OTOP1: variants seen among roughly 807,000 people sequenced by gnomAD.
OTOP1 encodes proton channel OTOP1.
Under a neutral mutation model 52.9 loss-of-function variants are expected in OTOP1, and 59 were observed. The observed-to-expected ratio is 1.12, with a 90% CI of 0.91 to 1.39. OTOP1 has a LOEUF of 1.39. OTOP1 is among the 40% of genes most tolerant of loss of function. The pLI is 0.00. For missense variants in OTOP1, 761 were observed against 800.9 expected (o/e 0.95, Z 0.60); for synonymous variants, 317 against 337.7 (o/e 0.94, Z 0.67).
chr4:4,200,047 T>A (rs1054252647), intron 4 of OTOP1, among the ~76,000 whole-genome samples: 3 of 152,188 alleles, frequency 2.0e-5, no homozygotes, highest in African/African-American at 7.2e-5. Context: ...AGATCAAATA[T>A]ATAGTATAAA....
intron 4 of OTOP1, among the ~76,000 whole-genome samples, chr4:4,198,337 G>C (rs1239131990): frequency 6.6e-6 from 1 of 152,176 alleles, no homozygotes; most frequent in African/African-American, 2.4e-5. Context: ...AGTTGCCAAA[G>C]AGGATAGAGA....
intron 5 of OTOP1, among the ~76,000 whole-genome samples, chr4:4,192,300 AC>A: frequency 6.6e-6 from 1 of 151,962 alleles, no homozygotes; most frequent in Non-Finnish European, 1.5e-5. Flanking sequence ...CCTCCCAGCC[AC>A]CCCCACCCAA....
At chr4:4,219,988 T>C (rs1336587333) in intron 1 of OTOP1, among the ~76,000 whole-genome samples, 1 of 100,446 alleles carries the variant, frequency 1.0e-5, no homozygotes. Flanking sequence ...TATATACGTA[T>C]ATAGGTGTAT....
intron 4 of OTOP1, among the ~76,000 whole-genome samples, chr4:4,198,392 A>G (rs550499622): frequency 6.6e-6 from 1 of 152,224 alleles, no homozygotes; most frequent in East Asian, 1.9e-4. Flanking sequence ...GATGATAGAT[A>G]GATAGATGGA....
intron 3 of OTOP1, among the ~76,000 whole-genome samples, chr4:4,203,280 C>A (rs1040348965): frequency 6.6e-6 from 1 of 152,238 alleles, no homozygotes; most frequent in African/African-American, 2.4e-5. Context: ...ATCTTATGAC[C>A]ATGAGACAGC....
At chr4:4,220,266 A>G (rs754360112) in intron 1 of OTOP1, among the ~76,000 whole-genome samples, 20 of 151,650 alleles carry the variant, frequency 1.3e-4, no homozygotes, top group Non-Finnish European at 2.5e-4. Flanking sequence ...AAAAAACAGA[A>G]CGGAAAATTT....
At chr4:4,204,111 G>A (rs886164362) in intron 3 of OTOP1, among the ~76,000 whole-genome samples, 2 of 152,150 alleles carry the variant, frequency 1.3e-5, no homozygotes, top group African/African-American at 4.8e-5. Flanking sequence ...CTCTCCTCTC[G>A]GTTTTAACCT....
rs866458699 is a variant in OTOP1, at chr4:4,219,890, T to C, written c.403+6572A>G. ...GTATACATATATGTATATATACACA[T>C]ATATGTATACACATATATGTGTGTA... On this transcript the variant is annotated intron_variant, in intron 1 of 5. Coordinates refer to ENST00000296358, the MANE Select transcript of OTOP1 (RefSeq NM_177998.3). Among the ~76,000 whole-genome samples, 77 of 146,146 alleles carry C rather than the reference T, an allele frequency of 5.3e-4. No homozygotes were observed. In the Middle Eastern group the frequency reaches 0.011, roughly 20 times the overall value.
At position 4,212,965 on chromosome 4, in the gene OTOP1, C is replaced by T. The variant is rs781002595; in HGVS notation, c.443G>A (p.Gly148Glu). The change falls in exon 2 of 6, where the codon GGA (glycine) becomes GAA (glutamate). Residue 148 changes from glycine (G) to glutamate (E), a missense_variant. Physicochemically the swap from Gly to Glu is moderately conservative, Grantham distance 98. This residue lies in a region of OTOP1 where 632 missense variants were observed against 619.5 expected (regional missense o/e 1.02). Coordinates refer to ENST00000296358, the MANE Select transcript of OTOP1 (RefSeq NM_177998.3). Reference sequence around the variant, plus strand: ...AATGAAGTATCCAATTTTAAGGCATCCCAGGATGACGGTAATGACTGCAAA... The same window carrying T: ...AATGAAGTATCCAATTTTAAGGCATTCCAGGATGACGGTAATGACTGCAAA... ...TLFAVITVIL[G>E]CLKIGYFIGF... 3 of 1,613,994 alleles carry T rather than the reference C, an allele frequency of 1.9e-6. No homozygotes were observed. The highest frequency in any genetic ancestry group is 2.5e-6 in the Non-Finnish European group (3 of 1,179,918).
chr4:4,206,607 T>C (rs930750957), intron 2 of OTOP1, among the ~76,000 whole-genome samples: 4 of 152,220 alleles, frequency 2.6e-5, no homozygotes, highest in African/African-American at 7.2e-5. Context: ...CTCTATTACA[T>C]ATGCTAGGCA....
In OTOP1 at chr4:4,192,250, A is replaced by G. The variant is rs1467802402; in HGVS notation, c.1669-3277T>C. On this transcript the variant is annotated intron_variant, in intron 5 of 5. Transcript: ENST00000296358. ...CCCTGAGACGTCATGCTGGAGACCC[A>G]CCTGTGGGTGCCTCAGTCAAGAGTC... Among the ~76,000 whole-genome samples, 6 of 151,900 alleles carry G rather than the reference A, an allele frequency of 3.9e-5. No homozygotes were observed. The East Asian group carries it at 1.2e-3, about 29-fold the overall frequency.
chr4:4,198,492 T>C (rs143559431), intron 4 of OTOP1, among the ~76,000 whole-genome samples: 10,514 of 152,204 alleles, frequency 0.069, 488 homozygotes, highest in South Asian at 0.12. Context: ...AAATGACAGA[T>C]GATTTTTGAT....
chr4:4,223,074 C>T (rs1180368984), intron 1 of OTOP1, among the ~76,000 whole-genome samples: 1 of 152,184 alleles, frequency 6.6e-6, no homozygotes, highest in African/African-American at 2.4e-5. Context: ...CCATGATACA[C>T]ACACCTCATT....
chr4:4,190,513 G>A (rs1442699791), intron 5 of OTOP1, among the ~76,000 whole-genome samples: 1 of 152,084 alleles, frequency 6.6e-6, no homozygotes, highest in African/African-American at 2.4e-5. Context: ...AAAATGGTTG[G>A]TTGTGTCTGT....
chr4:4,219,958 C>T lies in OTOP1; in HGVS notation c.403+6504G>A, dbSNP rs1191024141. ...ACATATATACACATATATACGTATA[C>T]ATGTATACATATATACACATATATA... is the stretch of plus-strand genomic sequence containing the variant. On this transcript the variant is annotated intron_variant, in intron 1 of 5. Coordinates refer to ENST00000296358, the MANE Select transcript of OTOP1 (RefSeq NM_177998.3). Among the ~76,000 whole-genome samples, 72 of 137,580 alleles carry T rather than the reference C, an allele frequency of 5.2e-4. 1 individual carries two copies. Among genetic ancestry groups the T allele is most frequent in the African/African-American group, 2.0e-3 (70 of 35,028 alleles). 90.3% of individuals were successfully genotyped at this position (137,580 alleles called of 152,430 possible).
At chr4:4,216,776 T>G (rs1371711392) in intron 1 of OTOP1, among the ~76,000 whole-genome samples, 1 of 152,166 alleles carries the variant, frequency 6.6e-6, no homozygotes, top group Non-Finnish European at 1.5e-5. Context: ...AGCACAGGCA[T>G]GAAACTGTAG....
chr4:4,197,089 T>C (rs558893674), intron 5 of OTOP1, 77 bp downstream of exon 5: 2 of 1,410,068 alleles, frequency 1.4e-6, no homozygotes, highest in Admixed American at 2.1e-5. Flanking sequence ...TTAACAAATC[T>C]GCATGTGTAC....
intron 1 of OTOP1, among the ~76,000 whole-genome samples, chr4:4,222,861 A>G (rs1431205521): frequency 6.6e-6 from 1 of 152,212 alleles, no homozygotes; most frequent in Non-Finnish European, 1.5e-5. Flanking sequence ...AGGGCCTCCC[A>G]ACACTAATAA....
chr4:4,202,837 A>G (rs1407438592), intron 3 of OTOP1, among the ~76,000 whole-genome samples: 1 of 152,240 alleles, frequency 6.6e-6, no homozygotes, highest in East Asian at 1.9e-4. Context: ...TAGGACATCA[A>G]AGAAGCTGGG....
Sources: gnomAD v4.1 joint callset for allele counts (sites outside exome capture counted in the v4.1 genomes callset) on GRCh38, gnomAD v4.1.1 for gene constraint, gnomAD v4.1.1 regional missense constraint, MANE v1.5 for transcripts, NCBI Gene and HGNC (gene_info 2026-07-23, HGNC 2026-07-21) for gene names.